Variants in BFSP2 observed in about 807,000 individuals in gnomAD.
The protein encoded by BFSP2 is beaded filament structural protein 2, also known as phakinin.
In BFSP2, 38 loss-of-function variants were observed where a neutral mutation model predicts 44.9. The observed-to-expected ratio is 0.85, with a 90% confidence interval of 0.65 to 1.11. The LOEUF (loss-of-function observed/expected upper bound fraction) is 1.11, where lower values mean the gene tolerates loss of function less well. Among genes scored for constraint, BFSP2 ranks in the 50% least tolerant of loss-of-function variants. The pLI, the probability that BFSP2 is intolerant of heterozygous loss-of-function variation, is 0.00. For missense variants in BFSP2, 525 were observed against 533.0 expected (o/e 0.99, Z 0.15); for synonymous variants, 197 against 209.9 (o/e 0.94, Z 0.53).
intron 1 of BFSP2, among the ~76,000 whole-genome samples, chr3:133,419,066 G>A (rs149667637): frequency 7.9e-5 from 12 of 152,098 alleles, no homozygotes; most frequent in Non-Finnish European, 1.3e-4. Context: ...TTCTTCTGAG[G>A]CCTCTCTCCT....
intron 5 of BFSP2, among the ~76,000 whole-genome samples, chr3:133,468,223 A>G (rs1275995640): frequency 6.6e-6 from 1 of 152,152 alleles, no homozygotes; most frequent in Non-Finnish European, 1.5e-5. Context: ...TACAAATGTG[A>G]GGGAGGGGCA....
At chr3:133,449,976 AGAAG>A (rs1197151628) in intron 3 of BFSP2, among the ~76,000 whole-genome samples, 17 of 98,876 alleles carry the variant, frequency 1.7e-4, no homozygotes, top group South Asian at 4.6e-4. Context: ...AAAGAAGGAA[AGAAG>A]GAAAGGAAGG....
At chr3:133,424,804 T>C (rs994654172) in intron 1 of BFSP2, among the ~76,000 whole-genome samples, 1 of 152,136 alleles carries the variant, frequency 6.6e-6, no homozygotes, top group African/African-American at 2.4e-5. Flanking sequence ...CCCCGCTAAT[T>C]TTTGTATTTT....
At chr3:133,428,605 G>T (rs1163064017) in intron 1 of BFSP2, among the ~76,000 whole-genome samples, 1 of 152,234 alleles carries the variant, frequency 6.6e-6, no homozygotes, top group Non-Finnish European at 1.5e-5. Context: ...AATTTCTGAG[G>T]AACTTAGATT....
chr3:133,436,720 A>AG (rs1445667270), intron 1 of BFSP2, among the ~76,000 whole-genome samples: 509 of 147,946 alleles, frequency 3.4e-3, no homozygotes, highest in African/African-American at 0.013. Context: ...CTTGTCATTT[A>AG]CATTAGGTAT....
At chr3:133,429,616 T>G (rs2073688623) in intron 1 of BFSP2, 1 of 152,252 alleles carries the variant, frequency 6.6e-6, no homozygotes, top group Non-Finnish European at 1.5e-5. Context: ...TATTTCCATC[T>G]GCAACTTACT....
At chr3:133,469,540 T>G (rs768169964) in intron 5 of BFSP2, among the ~76,000 whole-genome samples, 11 of 152,226 alleles carry the variant, frequency 7.2e-5, no homozygotes, top group Non-Finnish European at 1.6e-4. Flanking sequence ...GGTCACTATT[T>G]TACTTTCTGG....
intron 1 of BFSP2, among the ~76,000 whole-genome samples, chr3:133,427,435 AGGACTT>A (rs1576571192): frequency 6.6e-6 from 1 of 152,272 alleles, no homozygotes; most frequent in African/African-American, 2.4e-5. Flanking sequence ...AAGCAGAGCC[AGGACTT>A]GAACCTTGGT....
At chr3:133,436,757 T>A (rs1229047178) in intron 1 of BFSP2, among the ~76,000 whole-genome samples, 2 of 152,048 alleles carry the variant, frequency 1.3e-5, no homozygotes, top group Non-Finnish European at 2.9e-5. Context: ...CCTCCCCGCT[T>A]CCCCCACCCC....
chr3:133,424,212 ATTTTTTTTTTTTTTTTTT>A (rs112772093), intron 1 of BFSP2, among the ~76,000 whole-genome samples: 1 of 64,718 alleles, frequency 1.5e-5, no homozygotes, highest in African/African-American at 3.6e-5. Flanking sequence ...CGTCCAGCTA[ATTTTTTTTTTTTTTTTTT>A]TTTTTTTTTT....
At chr3:133,454,023 G>A (rs1003853638) in intron 4 of BFSP2, among the ~76,000 whole-genome samples, 2 of 152,170 alleles carry the variant, frequency 1.3e-5, no homozygotes, top group Admixed American at 6.5e-5. Context: ...AGAATTTCTG[G>A]AGGGTCTTAA....
At chr3:133,436,374 A>AT (rs1371483789) in intron 1 of BFSP2, among the ~76,000 whole-genome samples, 4 of 150,816 alleles carry the variant, frequency 2.7e-5, no homozygotes, top group Non-Finnish European at 5.9e-5. Flanking sequence ...CATAATACAC[A>AT]TTTTTTTCCA....
chr3:133,412,003 C>T (rs935165111), intron 1 of BFSP2, among the ~76,000 whole-genome samples: 8 of 152,078 alleles, frequency 5.3e-5, no homozygotes, highest in Admixed American at 2.0e-4. Context: ...GAAAGTATTA[C>T]GAAAGTATTA....
chr3:133,433,834 T>C (rs548355952), intron 1 of BFSP2, among the ~76,000 whole-genome samples: 1 of 152,354 alleles, frequency 6.6e-6, no homozygotes, highest in East Asian at 1.9e-4. Context: ...CCACTTTCGC[T>C]TCTCAGAATT....
At chr3:133,417,348 C>T (rs376076756) in intron 1 of BFSP2, among the ~76,000 whole-genome samples, 3 of 123,994 alleles carry the variant, frequency 2.4e-5, no homozygotes, top group South Asian at 3.2e-4. Flanking sequence ...CCACTCACCC[C>T]GTTCTCTCCC....
intron 1 of BFSP2, among the ~76,000 whole-genome samples, chr3:133,418,706 C>T (rs2073566928): frequency 1.3e-5 from 2 of 152,232 alleles, no homozygotes; most frequent in African/African-American, 4.8e-5. Context: ...CCACTGAGAA[C>T]ATACCTATGT....
chr3:133,443,365 A>C (rs1008706372), intron 1 of BFSP2, among the ~76,000 whole-genome samples: 1 of 152,226 alleles, frequency 6.6e-6, no homozygotes, highest in Non-Finnish European at 1.5e-5. Context: ...TGATTAAAAA[A>C]AAGAAGCACC....
chr3:133,462,045 T>C (rs543322792), intron 4 of BFSP2, among the ~76,000 whole-genome samples: 1 of 112,570 alleles, frequency 8.9e-6, no homozygotes, highest in East Asian at 2.8e-4. Flanking sequence ...CGATCTAGAA[T>C]TTTGCTTCCA....
chr3:133,454,559 C>G (rs779605277), intron 4 of BFSP2, among the ~76,000 whole-genome samples: 2 of 152,270 alleles, frequency 1.3e-5, no homozygotes, highest in African/African-American at 4.8e-5. Flanking sequence ...TCCCATACTT[C>G]GGATGAACTG....
Sources: gnomAD v4.1 joint callset for allele counts (sites outside exome capture counted in the v4.1 genomes callset) on GRCh38, gnomAD v4.1.1 for gene constraint, MANE v1.5 for transcripts, NCBI Gene and HGNC (gene_info 2026-07-23, HGNC 2026-07-21) for gene names.